Variants in ZNF493 observed in about 807,000 individuals in gnomAD.
ZNF493 encodes zinc finger protein 493.
In ZNF493, 11 loss-of-function variants were observed where a neutral mutation model predicts 12.2. The observed-to-expected ratio is 0.90, with a 90% CI of 0.57 to 1.50. The LOEUF is 1.50. Ranked by LOEUF, ZNF493 falls within the 40% of genes most tolerant of loss-of-function variation. The pLI is 0.00. For synonymous variants in ZNF493, 286 were observed against 302.6 expected (o/e 0.95, Z 0.57); for missense variants, 950 against 906.6 (o/e 1.05, Z -0.61).
intron 3 of ZNF493, chr19:21,408,776 A>G: frequency 1.9e-5 from 19 of 984,304 alleles, no homozygotes; most frequent in Non-Finnish European, 2.3e-5. Flanking sequence ...GTTGAATTAA[A>G]AGATAGCCAT....
rs1477607778 is a variant in ZNF493 at position 21,426,019 on chromosome 19, T to C, written c.*1035T>C. 3.7e-6 allele frequency: 2 copies of C among 537,468 alleles called. No homozygotes were observed. Among genetic ancestry groups the C allele is most frequent in the Non-Finnish European group, 6.9e-6 (2 of 291,354 alleles). 33.3% of individuals were successfully genotyped at this position (537,468 alleles called of 1,614,324 possible). On this transcript the variant is annotated 3_prime_UTR_variant, in exon 4 of 4. Coordinates refer to ENST00000392288, the MANE Select transcript of ZNF493 (RefSeq NM_001076678.3). ...AAATTCATACTGGAGAGAAACCCTA[T>C]GATTGTGAAAAATATGGCAAAGGCT...
intron 1 of ZNF493, among the ~76,000 whole-genome samples, chr19:21,401,713 C>T (rs983762269): frequency 1.3e-5 from 2 of 151,628 alleles, no homozygotes; most frequent in Non-Finnish European, 2.9e-5. Flanking sequence ...GCAACCTCCA[C>T]CTCCTGAGTT....
chr19:21,419,023 A>C (rs1287159261), intron 3 of ZNF493, among the ~76,000 whole-genome samples: 1 of 152,204 alleles, frequency 6.6e-6, no homozygotes, highest in Non-Finnish European at 1.5e-5. Context: ...CCAACATGTA[A>C]GCTCAGTGCT....
chr19:21,420,840 C>T (rs2030654893), intron 3 of ZNF493, among the ~76,000 whole-genome samples: 1 of 149,580 alleles, frequency 6.7e-6, no homozygotes, highest in African/African-American at 2.5e-5. Flanking sequence ...CAACCCCTGC[C>T]TCCTTTGTTC....
Position 21,425,486 on chromosome 19 carries a change from TAAAC to T in ZNF493, c.*504_*507del. 8.5e-6 allele frequency: 4 copies of T among 471,590 alleles called. No individual in the cohort carries two copies. Among genetic ancestry groups the T allele is most frequent in the South Asian group, 3.8e-5 (2 of 53,284 alleles). The allele number at this position is 471,590 out of a possible 1,614,324, so 29.2% of individuals were successfully genotyped here. A position where few individuals can be genotyped will look rare whatever the true frequency, so the allele number is the denominator to read the frequency against. ...CTTTTAACAAATCCTCATCCATTAG[TAAAC>T]ATAAGATAATTCATACTGGAGAGAA... On this transcript the variant is annotated 3_prime_UTR_variant, in exon 4 of 4. Transcript: ENST00000392288.
chr19:21,424,410 T>C lies in ZNF493; in HGVS notation c.1751T>C (p.Val584Ala), dbSNP rs1416509312. Residue 584 changes from valine (V) to alanine (A), a missense_variant, in exon 4 of 4, where the codon GTA (valine) becomes GCA (alanine). By Grantham distance (64) the Val-to-Ala change is moderately conservative (BLOSUM62 0). Transcript: ENST00000392288. ...AAAGAATGTGGCAAATCCTTTAGTG[T>C]ATTCTCAACCCTTACTAAACACAAG... ...KCKECGKSFSVFSTLTKHKII... is the reference protein window; with the variant it reads ...KCKECGKSFSAFSTLTKHKII... 1 of 1,609,670 alleles carries C rather than the reference T, an allele frequency of 6.2e-7. No homozygotes were observed. The highest frequency in any genetic ancestry group is 1.7e-5 in the Admixed American group (1 of 59,302).
chr19:21,401,881 C>T (rs554782666), intron 1 of ZNF493, among the ~76,000 whole-genome samples: 197 of 152,168 alleles, frequency 1.3e-3, no homozygotes, highest in Middle Eastern at 6.8e-3. Flanking sequence ...CCACTCGCCT[C>T]GGCCTCCCAA....
chr19:21,408,694 C>T (rs757058659), intron 3 of ZNF493: 226 of 984,772 alleles, frequency 2.3e-4, no homozygotes, highest in Admixed American at 5.6e-4. Flanking sequence ...ATCAGCTTAT[C>T]GTGGTTTTTG....
At chr19:21,409,730 G>A (rs1297946633) in intron 3 of ZNF493, among the ~76,000 whole-genome samples, 1 of 152,160 alleles carries the variant, frequency 6.6e-6, no homozygotes, top group African/African-American at 2.4e-5. Flanking sequence ...GGGTGACAGA[G>A]TGAGACCCTG....
rs775749339 is a variant in ZNF493, at chr19:21,423,279, A to G, written c.620A>G (p.Glu207Gly). ...LCQHKRIHIR[E>G]NSYRCEECGK... Reference sequence around the variant, plus strand: ...CAGCATAAAAGAATTCATATTAGAGAGAATTCTTACCGATGTGAAGAATGT... The same window carrying G: ...CAGCATAAAAGAATTCATATTAGAGGGAATTCTTACCGATGTGAAGAATGT... Residue 207 changes from glutamate (E) to glycine (G), a missense_variant, in exon 4 of 4, where the codon GAG (glutamate) becomes GGG (glycine). Coordinates refer to ENST00000392288, the MANE Select transcript of ZNF493 (RefSeq NM_001076678.3). 6.2e-7 allele frequency: 1 copy of G among 1,613,778 alleles called. No individual in the cohort carries two copies. Among genetic ancestry groups the G allele is most frequent in the South Asian group, 1.1e-5 (1 of 91,036 alleles).
intron 3 of ZNF493, chr19:21,412,245 GA>G (rs2030348381): frequency 1.3e-5 from 2 of 152,338 alleles, no homozygotes; most frequent in South Asian, 4.1e-4. Context: ...GAAATGGAGG[GA>G]TGGGCCAAAA....
chr19:21,419,296 C>A (rs1164880537), intron 3 of ZNF493, among the ~76,000 whole-genome samples: 1 of 145,072 alleles, frequency 6.9e-6, no homozygotes, highest in Non-Finnish European at 1.5e-5. Context: ...CAAACTACAA[C>A]TTTTTTTGTC....
At chr19:21,411,368 T>C (rs111992200) in intron 3 of ZNF493, among the ~76,000 whole-genome samples, 3,189 of 152,230 alleles carry the variant, frequency 0.021, 123 homozygotes, top group African/African-American at 0.072. Flanking sequence ...GAAAGTATAA[T>C]GTCTCTCTGT....
At chr19:21,402,093 G>T (rs898690285) in intron 1 of ZNF493, among the ~76,000 whole-genome samples, 1 of 151,714 alleles carries the variant, frequency 6.6e-6, no homozygotes, top group Non-Finnish European at 1.5e-5. Context: ...TCAGCCTCCC[G>T]AGTAGCTGGG....
At chr19:21,408,851 GCTTAT>G (rs992011318) in intron 3 of ZNF493, 1 of 960,640 alleles carries the variant, frequency 1.0e-6, no homozygotes, top group Non-Finnish European at 1.2e-6. Flanking sequence ...ATTGGTTATG[GCTTAT>G]CTTGTATATA....
intron 3 of ZNF493, among the ~76,000 whole-genome samples, chr19:21,409,246 T>C (rs550278077): frequency 2.0e-4 from 31 of 152,268 alleles, no homozygotes; most frequent in African/African-American, 6.5e-4. Flanking sequence ...AAATGTGTAG[T>C]CATGTAAATA....
chr19:21,398,073 C>T (rs1354267230), intron 1 of ZNF493: 1 of 152,246 alleles, frequency 6.6e-6, no homozygotes, highest in East Asian at 1.9e-4. Context: ...TGATTTTCTG[C>T]TGTATTTTTC....
rs761031639 is a variant in ZNF493 at position 21,423,518 on chromosome 19, C to G, written c.859C>G (p.His287Asp). Residue 287 changes from histidine to aspartate, a missense_variant, in exon 4 of 4, where the codon CAT (histidine) becomes GAT (aspartate). Physicochemically the swap from His to Asp is moderately conservative, Grantham distance 81. Coordinates refer to ENST00000392288, the MANE Select transcript of ZNF493 (RefSeq NM_001076678.3). ...ATACCTTACTAGGCATAAGCTAATT[C>G]ATACTAGAGAGAAACCCTATAAATG... The part of the protein sequence containing the change: ...FSYLTRHKLI[H>D]TREKPYKCEQ... 1 of 1,613,676 alleles carries G rather than the reference C, an allele frequency of 6.2e-7. No homozygotes were observed. Among genetic ancestry groups the G allele is most frequent in the Non-Finnish European group, 8.5e-7 (1 of 1,179,842 alleles).
At chr19:21,419,275 TTGG>T (rs1406508293) in intron 3 of ZNF493, among the ~76,000 whole-genome samples, 16 of 152,118 alleles carry the variant, frequency 1.1e-4, no homozygotes, top group Non-Finnish European at 2.2e-4. Context: ...GGATAATTGA[TTGG>T]TGTTCAGCAA....
Sources: allele counts gnomAD v4.1 joint callset (sites outside exome capture counted in the v4.1 genomes callset), GRCh38; gene constraint gnomAD v4.1.1; transcripts MANE v1.5; gene names NCBI Gene and HGNC (gene_info 2026-07-23, HGNC 2026-07-21).